ZNF280D: variants seen among roughly 807,000 people sequenced by gnomAD.
The protein encoded by ZNF280D is suppressor of hairy wing homolog 4.
Under a neutral mutation model 94.7 loss-of-function variants are expected in ZNF280D, and 39 were observed. The observed-to-expected ratio is 0.41, with a 90% CI of 0.32 to 0.54. The LOEUF (loss-of-function observed/expected upper bound fraction) is 0.54, where lower values mean the gene tolerates loss of function less well. Among genes scored for constraint, ZNF280D ranks in the 20% least tolerant of loss-of-function variants. The pLI, the probability that ZNF280D is intolerant of heterozygous loss-of-function variation, is 0.22. For synonymous variants in ZNF280D, 398 were observed against 377.6 expected (o/e 1.05, Z -0.63); for missense variants, 1,090 against 1,149.3 (o/e 0.95, Z 0.75).
chr15:56,724,043 C>A (rs903525632), intron 1 of ZNF280D, among the ~76,000 whole-genome samples: 7 of 152,122 alleles, frequency 4.6e-5, no homozygotes, highest in African/African-American at 1.7e-4. Flanking sequence ...CTGCAACTTG[C>A]TGTTGCTGCC....
At chr15:56,635,136 G>T in intron 21 of ZNF280D, 59 bp downstream of exon 21, 2 of 1,049,512 alleles carry the variant, frequency 1.9e-6, no homozygotes, top group Admixed American at 2.3e-5. Context: ...AAATAATGCA[G>T]CTCAAGTGTT....
intron 17 of ZNF280D, 181 bp from the exon 18 acceptor site, chr15:56,654,684 A>G: frequency 1.6e-6 from 1 of 644,412 alleles, no homozygotes; most frequent in Non-Finnish European, 2.8e-6. Flanking sequence ...CCATGTCCAA[A>G]TTATGCTACC....
At chr15:56,729,391 C>G (rs2058779466) in intron 1 of ZNF280D, among the ~76,000 whole-genome samples, 1 of 152,138 alleles carries the variant, frequency 6.6e-6, no homozygotes, top group East Asian at 1.9e-4. Context: ...CAAAAGAAGT[C>G]AACTGCACAA....
rs1471646700 is a variant in ZNF280D, at chr15:56,631,283, T to G, written c.*215A>C. The G allele has an allele frequency of 1.5e-5, 7 of 476,830 alleles. No individual in the cohort carries two copies. Among genetic ancestry groups the G allele is most frequent in the Non-Finnish European group, 2.6e-5 (7 of 270,942 alleles). The allele number at this position is 476,830 out of a possible 1,614,324, so 29.5% of individuals were successfully genotyped here. On this transcript the variant is annotated 3_prime_UTR_variant, in exon 22 of 22. Coordinates refer to ENST00000267807, the MANE Select transcript of ZNF280D (RefSeq NM_017661.4). ...TTAATTATCATTAAAATCCTGTTCG[T>G]GTTTTTAAAAACTTTTTGGGAATCC...
At chr15:56,653,346 G>T in intron 19 of ZNF280D, 1 of 1,257,080 alleles carries the variant, frequency 8.0e-7, no homozygotes, top group South Asian at 3.2e-5. Context: ...CCCCCAGTGG[G>T]AAGTATGCTC....
chr15:56,685,744 C>CA (rs1364806200), intron 9 of ZNF280D, among the ~76,000 whole-genome samples: 87 of 152,176 alleles, frequency 5.7e-4, no homozygotes, highest in African/African-American at 2.1e-3. Context: ...ATCAGGAGAA[C>CA]AAAACTACAA....
intron 1 of ZNF280D, among the ~76,000 whole-genome samples, chr15:56,714,340 C>G (rs2057925496): frequency 6.6e-6 from 1 of 151,966 alleles, no homozygotes; most frequent in Non-Finnish European, 1.5e-5. Flanking sequence ...CTGAAAGATT[C>G]TAATTTTTAT....
intron 1 of ZNF280D, among the ~76,000 whole-genome samples, chr15:56,723,799 T>C (rs745968442): frequency 2.0e-5 from 3 of 152,202 alleles, no homozygotes; most frequent in Non-Finnish European, 2.9e-5. Flanking sequence ...CTTTATATAG[T>C]TGCTCTTCAG....
chr15:56,731,850 G>C (rs2058909161), intron 1 of ZNF280D, among the ~76,000 whole-genome samples: 1 of 152,144 alleles, frequency 6.6e-6, no homozygotes, highest in Non-Finnish European at 1.5e-5. Context: ...AAAATAGCAA[G>C]TTGCAAAGTT....
At chr15:56,718,846 T>A (rs2058186872) in intron 1 of ZNF280D, among the ~76,000 whole-genome samples, 1 of 152,164 alleles carries the variant, frequency 6.6e-6, no homozygotes, top group Admixed American at 6.6e-5. Flanking sequence ...AATAGCCAAA[T>A]CAAATTACCT....
At chr15:56,666,338 C>A in intron 16 of ZNF280D, 57 bp downstream of exon 16, 1 of 1,570,672 alleles carries the variant, frequency 6.4e-7, no homozygotes, top group African/African-American at 1.4e-5. Flanking sequence ...GTTTTTGAAA[C>A]AGAAACTTGC....
chr15:56,657,372 T>TAA (rs2053614742), intron 17 of ZNF280D, among the ~76,000 whole-genome samples: 1 of 152,184 alleles, frequency 6.6e-6, no homozygotes, highest in Non-Finnish European at 1.5e-5. Context: ...AAAGGAAATT[T>TAA]ACTTCAAAAC....
intron 20 of ZNF280D, among the ~76,000 whole-genome samples, chr15:56,636,674 G>C (rs1256222805): frequency 6.6e-6 from 1 of 151,910 alleles, no homozygotes; most frequent in Non-Finnish European, 1.5e-5. Context: ...AGTACAGACG[G>C]GGTTTCACCA....
rs1042307358 is a variant in ZNF280D at position 56,699,509 on chromosome 15, T to C, written c.381+1424A>G. On this transcript the variant is annotated intron_variant, in intron 6 of 21. Transcript: ENST00000267807. The stretch of plus-strand genomic sequence containing the variant: ...GGAAACTGAACTAACATGACTGAAA[T>C]AAAATAGTGTTATATTTTGTTCTTT... The C allele has an allele frequency of 1.3e-5, 11 of 871,888 alleles. No individual in the cohort carries two copies. The East Asian group carries it at 1.1e-3, about 86-fold the overall frequency. 54.0% of individuals were successfully genotyped at this position (871,888 alleles called of 1,614,324 possible).
At position 56,704,747 on chromosome 15, in the gene ZNF280D, G is replaced by A. The variant is rs372319940; in HGVS notation, c.29-480C>T. Among the ~76,000 whole-genome samples, 69 of 152,266 alleles carry A rather than the reference G, an allele frequency of 4.5e-4. No homozygotes were observed. In the South Asian group the frequency reaches 8.1e-3, roughly 18 times the overall value. On this transcript the variant is annotated intron_variant, in intron 3 of 21. Coordinates refer to ENST00000267807, the MANE Select transcript of ZNF280D (RefSeq NM_017661.4). ...TGTAATCCCAGCACTTTGGGAAGCC[G>A]AGACAGACAGATTGCTTGAGGTCAG... is the stretch of plus-strand genomic sequence containing the variant.
intron 11 of ZNF280D, among the ~76,000 whole-genome samples, chr15:56,677,936 G>C (rs1222527820): frequency 6.6e-6 from 1 of 151,376 alleles, no homozygotes; most frequent in Non-Finnish European, 1.5e-5. Context: ...CTAAAATCTT[G>C]TAGCTATATT....
Position 56,630,645 on chromosome 15 carries a change from A to G in ZNF280D, c.*853T>C, listed in dbSNP as rs1330175314. The G allele has an allele frequency of 6.6e-6, 1 of 152,140 alleles. No individual in the cohort carries two copies. The highest frequency in any genetic ancestry group is 2.4e-5 in the African/African-American group (1 of 41,444). 9.4% of individuals were successfully genotyped at this position (152,140 alleles called of 1,614,324 possible). A position where few individuals can be genotyped will look rare whatever the true frequency, so the allele number is the denominator to read the frequency against. ...GCTTCCAGACCATTTTTATGGGCCT[A>G]TTTCTAAGGAAGATCATTAAAACAA... is the stretch of plus-strand genomic sequence containing the variant. On this transcript the variant is annotated 3_prime_UTR_variant, in exon 22 of 22. Transcript: ENST00000267807.
intron 10 of ZNF280D, among the ~76,000 whole-genome samples, chr15:56,681,917 A>T (rs2055644926): frequency 6.6e-6 from 1 of 152,122 alleles, no homozygotes; most frequent in Non-Finnish European, 1.5e-5. Flanking sequence ...AATGTGAAGA[A>T]ATATAAAATT....
intron 7 of ZNF280D, among the ~76,000 whole-genome samples, chr15:56,690,356 T>G (rs2056353898): frequency 6.6e-6 from 1 of 152,118 alleles, no homozygotes; most frequent in South Asian, 2.1e-4. Flanking sequence ...CACTCCAGCC[T>G]GGGCAACAGA....
Sources: gnomAD v4.1 joint callset for allele counts (sites outside exome capture counted in the v4.1 genomes callset) on GRCh38, gnomAD v4.1.1 for gene constraint, MANE v1.5 for transcripts, NCBI Gene and HGNC (gene_info 2026-07-23, HGNC 2026-07-21) for gene names.